Variants in BCL2L14 observed in about 807,000 individuals in gnomAD.
BCL2L14 encodes the protein apoptosis facilitator Bcl-2-like protein 14.
A neutral mutation model predicts 35.3 loss-of-function variants in BCL2L14; 27 were observed. That is an observed-to-expected ratio of 0.76 (90% CI 0.56 to 1.05). The LOEUF (loss-of-function observed/expected upper bound fraction) is 1.05, where lower values mean the gene tolerates loss of function less well. Among genes scored for constraint, BCL2L14 ranks in the 50% least tolerant of loss-of-function variants. The pLI is 0.00. For missense variants in BCL2L14, 377 were observed against 382.6 expected (o/e 0.99, Z 0.12); for synonymous variants, 139 against 145.9 (o/e 0.95, Z 0.34).
intron 4 of BCL2L14, among the ~76,000 whole-genome samples, chr12:12,091,407 G>T (rs747814219): frequency 6.6e-6 from 1 of 152,220 alleles, no homozygotes; most frequent in Non-Finnish European, 1.5e-5. Flanking sequence ...AGGAACGGGT[G>T]AGAGTTGCCT....
chr12:12,063,647 G>A (rs570645686), intron 2 of BCL2L14, among the ~76,000 whole-genome samples: 17 of 152,084 alleles, frequency 1.1e-4, no homozygotes, highest in South Asian at 2.1e-4. Flanking sequence ...CCACTATTTC[G>A]TTTTATTTTT....
chr12:12,060,339 T>C (rs1948504223), intron 2 of BCL2L14, among the ~76,000 whole-genome samples: 1 of 126,014 alleles, frequency 7.9e-6, no homozygotes, highest in East Asian at 2.6e-4. Context: ...GCCCAGTTCA[T>C]GGCTCGTTCG....
chr12:12,082,197 C>A (rs1731776548), intron 2 of BCL2L14, among the ~76,000 whole-genome samples: 1 of 152,192 alleles, frequency 6.6e-6, no homozygotes, highest in South Asian at 2.1e-4. Flanking sequence ...CTGGACTCAC[C>A]AGAAGTCCAG....
chr12:12,066,496 T>C (rs1241601793), upstream of BCL2L14, among the ~76,000 whole-genome samples: 2 of 152,188 alleles, frequency 1.3e-5, no homozygotes, highest in Non-Finnish European at 1.5e-5. Flanking sequence ...TTATCTAAGA[T>C]ATATTTCCAG....
At chr12:12,051,628 G>C (rs1453192174) in intron 1 of BCL2L14, among the ~76,000 whole-genome samples, 4 of 152,130 alleles carry the variant, frequency 2.6e-5, no homozygotes, top group Non-Finnish European at 5.9e-5. Flanking sequence ...CTTTCCATGA[G>C]AGTCAATTCC....
At chr12:12,083,771 C>A (rs987546004) in intron 2 of BCL2L14, among the ~76,000 whole-genome samples, 1 of 151,990 alleles carries the variant, frequency 6.6e-6, no homozygotes, top group East Asian at 1.9e-4. Flanking sequence ...ATGACAAAAC[C>A]CCGTCTCTAT....
Position 12,050,755 on chromosome 12 carries a change from C to A in BCL2L14, c.-324+801C>A, listed in dbSNP as rs564426184. 2.4e-4 allele frequency among the ~76,000 whole-genome samples: 32 copies of A among 131,462 alleles called. 1 individual carries two copies. The highest frequency in any genetic ancestry group is 9.2e-4 in the African/African-American group (31 of 33,680). 86.2% of individuals were successfully genotyped at this position (131,462 alleles called of 152,430 possible). ...ACACTGGAAGAAGAATTGTCTTGGG[C>A]CACACATAAAACACACTAACACTAA... On this transcript the variant is annotated intron_variant, in intron 1 of 3. Transcript: ENST00000461264.
chr12:12,098,982 A>G lies in BCL2L14; in HGVS notation c.978A>G (p.Val326=), dbSNP rs1457657275. Residue 326 remains valine, a synonymous_variant, in exon 6 of 6, where the codon GTA becomes GTG. Transcript: ENST00000308721. The part of the protein sequence containing the change: ...EKILGISHEE[V]D ...TACTTGGGATATCACATGAAGAAGT[A>G]GACTGAAATATCAGATTTGTCATCA... 5.0e-6 allele frequency: 8 copies of G among 1,601,496 alleles called. No individual in the cohort carries two copies. The highest frequency in any genetic ancestry group is 5.1e-6 in the Non-Finnish European group (6 of 1,168,564).
Position 12,096,747 on chromosome 12 carries a change from T to C in BCL2L14, c.945+1817T>C, listed in dbSNP as rs573035431. ...AGAAAAGCATTGACGTCGGTGAGGA[T>C]GTGGAGAAATTGGAACCTTTTATGT... On this transcript the variant is annotated intron_variant, in intron 5 of 5. Coordinates refer to ENST00000308721, the MANE Select transcript of BCL2L14 (RefSeq NM_138723.2). 3.3e-5 allele frequency among the ~76,000 whole-genome samples: 5 copies of C among 152,304 alleles called. No homozygotes were observed. The East Asian group carries it at 5.8e-4, about 18-fold the overall frequency.
intron 1 of BCL2L14, among the ~76,000 whole-genome samples, chr12:12,076,925 G>A (rs1038086412): frequency 2.0e-5 from 3 of 152,116 alleles, no homozygotes; most frequent in Admixed American, 6.5e-5. Context: ...CTTGGACACC[G>A]AGGAACAAAA....
chr12:12,080,202 CAA>C (rs11298889), intron 2 of BCL2L14, among the ~76,000 whole-genome samples: 61 of 142,744 alleles, frequency 4.3e-4, no homozygotes, highest in Admixed American at 6.2e-4. Flanking sequence ...GAGACTCCGT[CAA>C]AAAAAAAAAA....
At chr12:12,061,120 T>C (rs1357662954) in intron 2 of BCL2L14, among the ~76,000 whole-genome samples, 13 of 124,726 alleles carry the variant, frequency 1.0e-4, no homozygotes, top group African/African-American at 3.7e-4. Context: ...TTTTTAGTTA[T>C]CCCCACCTGC....
intron 2 of BCL2L14, among the ~76,000 whole-genome samples, chr12:12,053,384 C>T (rs987929185): frequency 6.6e-6 from 1 of 151,658 alleles, no homozygotes; most frequent in Non-Finnish European, 1.5e-5. Context: ...CAATCTATAC[C>T]AGGACAAGGT....
At chr12:12,073,077 G>A (rs1016023291) in intron 1 of BCL2L14, among the ~76,000 whole-genome samples, 7 of 152,164 alleles carry the variant, frequency 4.6e-5, no homozygotes, top group East Asian at 1.9e-4. Flanking sequence ...TTGTAGAGAC[G>A]GAGCCAAGGC....
intron 2 of BCL2L14, among the ~76,000 whole-genome samples, chr12:12,061,420 C>T (rs1948524378): frequency 6.6e-6 from 1 of 152,082 alleles, no homozygotes; most frequent in South Asian, 2.1e-4. Context: ...CCTGTTGTCA[C>T]TCGCCTGCTA....
At chr12:12,083,880 G>T (rs201444566) in intron 2 of BCL2L14, among the ~76,000 whole-genome samples, 2 of 152,096 alleles carry the variant, frequency 1.3e-5, no homozygotes, top group Non-Finnish European at 2.9e-5. Flanking sequence ...CCTGGGAGGC[G>T]CAGGTTGCAC....
At chr12:12,084,257 C>A (rs919935955) in intron 2 of BCL2L14, among the ~76,000 whole-genome samples, 1 of 152,336 alleles carries the variant, frequency 6.6e-6, no homozygotes. Flanking sequence ...CCGCACCCAG[C>A]CTTAGCTCCC....
intron 2 of BCL2L14, among the ~76,000 whole-genome samples, chr12:12,058,021 C>T (rs1948458701): frequency 6.8e-6 from 1 of 146,944 alleles, no homozygotes. Context: ...CATCTTGGCT[C>T]ACTGCAACCT....
At position 12,071,148 on chromosome 12, in the gene BCL2L14, G is replaced by A. The variant is rs1303962404; in HGVS notation, c.-8+11G>A. On this transcript the variant is annotated intron_variant, in intron 1 of 5. Transcript: ENST00000308721. ...CAGCTTCCAGACCAGGTAACACCAG[G>A]AGGCACCAGTCTTCATCCTCAGCCT... 1 of 152,214 alleles carries A rather than the reference G, an allele frequency of 6.6e-6. No homozygotes were observed. 9.4% of individuals were successfully genotyped at this position (152,214 alleles called of 1,614,324 possible).
Sources: gnomAD v4.1 joint callset for allele counts (sites outside exome capture counted in the v4.1 genomes callset) on GRCh38, gnomAD v4.1.1 for gene constraint, MANE v1.5 for transcripts, NCBI Gene and HGNC (gene_info 2026-07-23, HGNC 2026-07-21) for gene names.